The following ANXA8 variants were observed in gnomAD, a reference collection of about 807,000 sequenced individuals.
ANXA8 encodes the protein annexin A8.
A neutral mutation model predicts 26.8 loss-of-function variants in ANXA8; 9 were observed. The ratio of observed to expected loss-of-function variants is 0.34; its 90% CI spans 0.20 to 0.59. The LOEUF (loss-of-function observed/expected upper bound fraction) is 0.59, where lower values mean the gene tolerates loss of function less well. ANXA8 is among the 20% of genes least tolerant of loss of function. ANXA8 has a pLI of 0.84. For missense variants in ANXA8, 83 were observed against 238.5 expected (o/e 0.35, Z 4.29); for synonymous variants, 39 against 94.8 (o/e 0.41, Z 3.42).
the ANXA8 span, chr10:47,501,738 A>G: frequency 4.8e-5 from 18 of 372,580 alleles, 1 homozygote; most frequent in Non-Finnish European, 5.0e-5. Context: ...AAAAATGAAA[A>G]AGAGGTGCCA....
chr10:47,974,913 A>C, the ANXA8 span, among the ~76,000 whole-genome samples: 127 of 149,858 alleles, frequency 8.5e-4, 8 homozygotes, highest in Middle Eastern at 0.028. Context: ...CCTTGTAGAT[A>C]AAATAATAGC....
the ANXA8 span, among the ~76,000 whole-genome samples, chr10:47,580,047 T>C: frequency 2.0e-5 from 3 of 150,804 alleles, no homozygotes; most frequent in African/African-American, 7.3e-5. Context: ...GCCTCCCCAG[T>C]AGCTGGAACT....
chr10:47,618,783 G>A, the ANXA8 span, among the ~76,000 whole-genome samples: 1 of 111,238 alleles, frequency 9.0e-6, no homozygotes, highest in East Asian at 2.2e-4. Flanking sequence ...TGTATTACAA[G>A]ACAAAATAAA....
chr10:47,664,320 G>A, the ANXA8 span, among the ~76,000 whole-genome samples: 1 of 152,048 alleles, frequency 6.6e-6, no homozygotes, highest in South Asian at 2.1e-4. Context: ...GGAGGTTGCA[G>A]TGAGTTGAGA....
chr10:47,700,769 T>C, the ANXA8 span, among the ~76,000 whole-genome samples: 1 of 150,696 alleles, frequency 6.6e-6, no homozygotes, highest in South Asian at 2.1e-4. Flanking sequence ...ATCCCTAATA[T>C]ATAAAGAACT....
the ANXA8 span, among the ~76,000 whole-genome samples, chr10:47,607,959 A>C: frequency 1.4e-5 from 2 of 141,464 alleles, no homozygotes; most frequent in South Asian, 2.2e-4. Context: ...TACATCAATA[A>C]AAATTTTATT....
At chr10:47,597,147 A>G in the ANXA8 span, among the ~76,000 whole-genome samples, 2 of 149,490 alleles carry the variant, frequency 1.3e-5, 1 homozygote. Context: ...CAGAATTTAA[A>G]ATGAAAAAAA....
the ANXA8 span, among the ~76,000 whole-genome samples, chr10:47,645,703 A>G: frequency 1.5e-4 from 22 of 151,406 alleles, no homozygotes; most frequent in Middle Eastern, 6.8e-3. Context: ...ATTTCTGAGT[A>G]TGTCTGTGTT....
chr10:47,661,661 A>G, the ANXA8 span, among the ~76,000 whole-genome samples: 1 of 124,690 alleles, frequency 8.0e-6, no homozygotes, highest in Non-Finnish European at 1.6e-5. Context: ...CTTGTGATCC[A>G]CCCGCCTTGG....
At chr10:47,626,765 A>G in the ANXA8 span, among the ~76,000 whole-genome samples, 6 of 150,324 alleles carry the variant, frequency 4.0e-5, no homozygotes, top group African/African-American at 1.0e-4. Flanking sequence ...TCTATTGTCT[A>G]TGTTCATCAG....
chr10:47,938,789 C>A, the ANXA8 span, among the ~76,000 whole-genome samples: 19 of 149,458 alleles, frequency 1.3e-4, no homozygotes, highest in Admixed American at 2.7e-4. Flanking sequence ...GGGGAAGGAA[C>A]AAATGCAAAG....
the ANXA8 span, among the ~76,000 whole-genome samples, chr10:47,548,224 C>A: frequency 2.7e-5 from 4 of 146,052 alleles, no homozygotes; most frequent in South Asian, 2.2e-4. Context: ...GTAGCTCTAG[C>A]AAAAACTAAA....
chr10:47,724,979 T>C, the ANXA8 span, among the ~76,000 whole-genome samples: 30 of 129,244 alleles, frequency 2.3e-4, 3 homozygotes, highest in Admixed American at 1.2e-3. Flanking sequence ...GTTTTCAAGG[T>C]CCATCCATGT....
At chr10:47,671,909 G>T in the ANXA8 span, among the ~76,000 whole-genome samples, 1 of 151,070 alleles carries the variant, frequency 6.6e-6, no homozygotes, top group African/African-American at 2.4e-5. Flanking sequence ...TGCCCAATTG[G>T]TTTCTTTTAA....
upstream of ANXA8, among the ~76,000 whole-genome samples, chr10:47,487,774 G>T (rs1362312623): frequency 7.4e-6 from 1 of 134,754 alleles, no homozygotes; most frequent in Admixed American, 7.6e-5. Flanking sequence ...GGTTTATAGT[G>T]TTTTTTTTTT....
At chr10:47,733,283 CTTTCTTTCTTTCTTTT>C in the ANXA8 span, among the ~76,000 whole-genome samples, 1 of 80,524 alleles carries the variant, frequency 1.2e-5, no homozygotes, top group African/African-American at 5.9e-5. Flanking sequence ...TTCTTTCTTT[CTTTCTTTCTTTCTTTT>C]TTTTCTTTCT....
chr10:47,660,383 T>TTTTCTTTC, the ANXA8 span, among the ~76,000 whole-genome samples: 1 of 151,186 alleles, frequency 6.6e-6, no homozygotes, highest in East Asian at 1.9e-4. Flanking sequence ...AAAAGTGGTA[T>TTTTCTTTC]TTTCTTTCTT....
the ANXA8 span, chr10:47,565,053 T>C: frequency 1.3e-6 from 1 of 782,722 alleles, no homozygotes; most frequent in East Asian, 2.4e-5. Flanking sequence ...ATGAAGACCA[T>C]GGGCATGTCC....
the ANXA8 span, among the ~76,000 whole-genome samples, chr10:47,695,425 T>C: frequency 6.6e-6 from 1 of 151,454 alleles, no homozygotes; most frequent in African/African-American, 2.4e-5. Flanking sequence ...AGAGGCAAGA[T>C]GACTTCAGAT....
Sources: allele counts gnomAD v4.1 joint callset (sites outside exome capture counted in the v4.1 genomes callset), GRCh38; gene constraint gnomAD v4.1.1; transcripts MANE v1.5; gene names NCBI Gene and HGNC (gene_info 2026-07-23, HGNC 2026-07-21).